Variants in CLEC20A observed in about 807,000 individuals in gnomAD.
CLEC20A encodes putative C-type lectin domain family 20 member A.
chr1:178,482,461 A>G (rs1441722747), intron 6 of CLEC20A, 64 bp from the exon 7 acceptor site: 2 of 398,304 alleles, frequency 5.0e-6, no homozygotes, highest in Non-Finnish European at 8.9e-6. Context: ...AGTTCTTAGC[A>G]GTCAGGAGCA....
exon 8 of CLEC20A, chr1:178,479,598 C>T (rs1190785363): frequency 2.5e-6 from 1 of 398,378 alleles, no homozygotes; most frequent in East Asian, 3.6e-5. Flanking sequence ...CTAATGTAAG[C>T]TTTAAGACTT....
exon 7 of CLEC20A, chr1:178,482,395 G>A (rs184138278): frequency 2.5e-6 from 1 of 398,586 alleles, no homozygotes; most frequent in East Asian, 3.6e-5. Flanking sequence ...CCAAAAGGGT[G>A]CCCTGAAAAA....
upstream of CLEC20A, among the ~76,000 whole-genome samples, chr1:178,497,635 A>C (rs74129215): frequency 0.011 from 1,624 of 152,272 alleles, 26 homozygotes; most frequent in African/African-American, 0.037. Context: ...AAAACGAACA[A>C]TGTCTCCCTC....
At chr1:178,488,369 AC>A (rs1649198155) in intron 5 of CLEC20A, 131 bp downstream of exon 5, 2 of 395,692 alleles carry the variant, frequency 5.1e-6, no homozygotes, top group South Asian at 1.4e-4. Flanking sequence ...CTTGACTGCC[AC>A]CCCCTTAGCT....
At chr1:178,484,434 A>T (rs1003568934) in intron 5 of CLEC20A, 1 of 152,150 alleles carries the variant, frequency 6.6e-6, no homozygotes, top group African/African-American at 2.4e-5. Context: ...CACACCTGTA[A>T]TCTCAACACT....
exon 4 of CLEC20A, chr1:178,490,208 C>T (rs1380302655): frequency 1.3e-5 from 5 of 398,682 alleles, no homozygotes; most frequent in African/African-American, 4.1e-5. Context: ...GGATGCTGGC[C>T]CCCAGGTCAC....
intron 7 of CLEC20A, chr1:178,480,466 G>A (rs1449163734): frequency 6.6e-6 from 1 of 152,246 alleles, no homozygotes; most frequent in Non-Finnish European, 1.5e-5. Context: ...GAAGGGCCCA[G>A]GCCAGAATCA....
chr1:178,488,083 G>T (rs1649190873), intron 5 of CLEC20A, among the ~76,000 whole-genome samples: 1 of 152,196 alleles, frequency 6.6e-6, no homozygotes, highest in Admixed American at 6.5e-5. Flanking sequence ...GAGGGACTTT[G>T]CGGTGCTTCC....
rs1048187920 is a variant in CLEC20A at position 178,496,907 on chromosome 1, G to T, written c.33C>A (p.Cys11Ter). The stretch of plus-strand genomic sequence containing the variant: ...CAGGTTGGGGGGCCTCACCTGCTGC[G>T]CAGAAGGAGAGCAGCAGCGCCCGGG... Residue 11 changes from cysteine to a stop codon, truncating the protein, a stop_gained, in exon 1 of 8, where the codon TGC becomes TGA. Coordinates refer to ENST00000623247, the Ensembl canonical transcript of CLEC20A. LOFTEE classifies it high-confidence loss of function. 1.0e-5 allele frequency: 4 copies of T among 399,016 alleles called. No individual in the cohort carries two copies. Among genetic ancestry groups the T allele is most frequent in the Admixed American group, 8.8e-5 (2 of 22,730 alleles). 24.7% of individuals were successfully genotyped at this position (399,016 alleles called of 1,614,324 possible).
At chr1:178,496,428 C>T (rs1649391931) in intron 1 of CLEC20A, 1 of 154,688 alleles carries the variant, frequency 6.5e-6, no homozygotes, top group South Asian at 2.1e-4. Flanking sequence ...CCGCCACCCT[C>T]CAAGCCAGGG....
intron 3 of CLEC20A, among the ~76,000 whole-genome samples, chr1:178,491,301 G>A (rs1215001180): frequency 6.6e-6 from 1 of 152,136 alleles, no homozygotes; most frequent in Admixed American, 6.6e-5. Context: ...CCGGAGGCCC[G>A]GAAGATGAAA....
At chr1:178,492,958 A>G (rs1166737293) in intron 2 of CLEC20A, among the ~76,000 whole-genome samples, 1 of 152,226 alleles carries the variant, frequency 6.6e-6, no homozygotes, top group Non-Finnish European at 1.5e-5. Flanking sequence ...CCTGATGGCT[A>G]AAGGAGGACA....
intron 3 of CLEC20A, among the ~76,000 whole-genome samples, chr1:178,490,949 G>T (rs1269291883): frequency 6.6e-6 from 1 of 152,196 alleles, no homozygotes; most frequent in Non-Finnish European, 1.5e-5. Context: ...CGAATCCAGG[G>T]CTGAGCAGAA....
At chr1:178,496,961 T>C (rs904235748), upstream of CLEC20A, 10 of 399,894 alleles carry the variant, frequency 2.5e-5, no homozygotes, top group Admixed American at 2.2e-4. Context: ...GGCTGGGCGA[T>C]GGCTGGGTGC....
chr1:178,490,012 T>C, intron 4 of CLEC20A, 60 bp downstream of exon 4: 2 of 398,464 alleles, frequency 5.0e-6, no homozygotes, highest in Non-Finnish European at 8.8e-6. Flanking sequence ...AGTAAACCCA[T>C]TTCCCATCTC....
chr1:178,492,931 G>A (rs1360997965), intron 2 of CLEC20A, among the ~76,000 whole-genome samples: 3 of 152,232 alleles, frequency 2.0e-5, no homozygotes, highest in Non-Finnish European at 2.9e-5. Context: ...AGATGAGGCC[G>A]AAGAGGGGAG....
intron 4 of CLEC20A, 43 bp from the exon 5 acceptor site, chr1:178,488,642 C>T (rs953320781): frequency 2.0e-5 from 8 of 398,610 alleles, no homozygotes; most frequent in Non-Finnish European, 3.5e-5. Flanking sequence ...GTCTGCAACA[C>T]CCAGCAGGTG....
chr1:178,494,877 C>G (rs1229192206), intron 1 of CLEC20A, 67 bp from the exon 2 acceptor site: 3 of 398,602 alleles, frequency 7.5e-6, no homozygotes, highest in Non-Finnish European at 1.3e-5. Flanking sequence ...AAAGAGCTTT[C>G]AGCCACACTC....
intron 5 of CLEC20A, chr1:178,486,690 C>T: frequency 2.5e-6 from 1 of 398,580 alleles, no homozygotes; most frequent in East Asian, 3.6e-5. Flanking sequence ...GTGTGGGGCT[C>T]GAAGCGGAGG....
Sources: gnomAD v4.1 joint callset for allele counts (sites outside exome capture counted in the v4.1 genomes callset) on GRCh38, gnomAD v4.1.1 for gene constraint, MANE v1.5 for transcripts, NCBI Gene and HGNC (gene_info 2026-07-23, HGNC 2026-07-21) for gene names.